The following NKTR variants were observed in gnomAD, a reference collection of about 807,000 sequenced individuals.
The protein encoded by NKTR is NK-tumor recognition protein.
Under a neutral mutation model 156.3 loss-of-function variants are expected in NKTR, and 67 were observed. The observed-to-expected ratio is 0.43, with a 90% confidence interval of 0.35 to 0.53. The LOEUF (loss-of-function observed/expected upper bound fraction) is 0.53, where lower values mean the gene tolerates loss of function less well. NKTR is among the 20% of genes least tolerant of loss of function. The pLI is 0.01. For missense variants in NKTR, 1,604 were observed against 1,730.9 expected (o/e 0.93, Z 1.30); for synonymous variants, 640 against 596.6 (o/e 1.07, Z -1.06).
At chr3:42,602,859 A>G (rs1284192161) in intron 2 of NKTR, 1 of 151,852 alleles carries the variant, frequency 6.6e-6, no homozygotes, top group African/African-American at 2.4e-5. Context: ...TCTACAAAAA[A>G]TAAAAAAATT....
At chr3:42,633,359 T>A in intron 9 of NKTR, 1 of 1,314,036 alleles carries the variant, frequency 7.6e-7, no homozygotes, top group Non-Finnish European at 9.7e-7. Flanking sequence ...ACTCTTAAAA[T>A]AAAAAAGTTA....
intron 6 of NKTR, chr3:42,630,052 C>T (rs1708748121): frequency 1.0e-6 from 1 of 985,382 alleles, no homozygotes. Context: ...CTCTGCCTGC[C>T]TAAAAATGTG....
Position 42,638,127 on chromosome 3 carries a change from C to CT in NKTR, c.2425dup (p.Ser809PhefsTer4). On this transcript the variant is annotated frameshift_variant, in exon 13 of 17. Coordinates refer to ENST00000232978, the MANE Select transcript of NKTR (RefSeq NM_005385.4). LOFTEE classifies it high-confidence loss of function. ...GAGAGCAGATCATCTTTAGATTATT[C>CT]TTCAGACAGTGAGCAGTCAAGTGTT... The CT allele has an allele frequency of 6.2e-7, 1 of 1,613,836 alleles. No homozygotes were observed. Among genetic ancestry groups the CT allele is most frequent in the Non-Finnish European group, 8.5e-7 (1 of 1,179,956 alleles).
At chr3:42,632,853 C>A in intron 9 of NKTR, 30 bp downstream of exon 9, 1 of 1,487,482 alleles carries the variant, frequency 6.7e-7, no homozygotes, top group South Asian at 1.5e-5. Flanking sequence ...GTACTCTTAC[C>A]TAAAAACAAA....
At chr3:42,619,835 ATACTT>A (rs1707742564) in intron 5 of NKTR, 127 bp downstream of exon 5, 14 of 1,489,006 alleles carry the variant, frequency 9.4e-6, no homozygotes, top group East Asian at 2.4e-5. Context: ...CTGCATGAAA[ATACTT>A]TATTTGCATG....
intron 5 of NKTR, chr3:42,619,974 A>G (rs752075694): frequency 1.6e-5 from 24 of 1,529,898 alleles, no homozygotes; most frequent in Middle Eastern, 3.3e-4. Flanking sequence ...GAAAACTCCT[A>G]TCTTCCTGCC....
At chr3:42,640,893 A>G (rs980203520) in intron 13 of NKTR, among the ~76,000 whole-genome samples, 2 of 152,100 alleles carry the variant, frequency 1.3e-5, no homozygotes, top group East Asian at 1.9e-4. Flanking sequence ...GCAGTTGCCT[A>G]TTGAGCGACT....
Position 42,638,309 on chromosome 3 carries a change from C to G in NKTR, c.2605C>G (p.Leu869Val). The G allele has an allele frequency of 6.2e-7, 1 of 1,610,522 alleles. No individual in the cohort carries two copies. Among genetic ancestry groups the G allele is most frequent in the Non-Finnish European group, 8.5e-7 (1 of 1,179,086 alleles). The change falls in exon 13 of 17, where the codon CTT becomes GTT. Residue 869 changes from leucine to valine, a missense_variant. Coordinates refer to ENST00000232978, the MANE Select transcript of NKTR (RefSeq NM_005385.4). ...RTLKENLSDH[L>V]RNGSKPKRKN... ...TTTGAAAGAGAATCTTTCTGATCAC[C>G]TTAGAAATGGCAGTAAGCCCAAAAG...
chr3:42,604,473 A>T (rs1056959331), intron 2 of NKTR, among the ~76,000 whole-genome samples: 2 of 151,586 alleles, frequency 1.3e-5, no homozygotes, highest in African/African-American at 4.8e-5. Flanking sequence ...ACTTGAATGT[A>T]CATTCTGCAC....
At chr3:42,629,426 T>A in intron 6 of NKTR, 1 of 947,318 alleles carries the variant, frequency 1.1e-6, no homozygotes, top group Non-Finnish European at 1.3e-6. Context: ...AATGTAAGTA[T>A]AAGCATTACA....
intron 2 of NKTR, 75 bp downstream of exon 2, chr3:42,601,139 C>A (rs1284234808): frequency 1.6e-6 from 2 of 1,278,532 alleles, no homozygotes; most frequent in East Asian, 3.0e-5. Context: ...CCCTCAGCAA[C>A]CCTCCCCCGG....
At chr3:42,628,278 G>A (rs888581935) in intron 6 of NKTR, 24 of 985,168 alleles carry the variant, frequency 2.4e-5, no homozygotes, top group South Asian at 9.4e-5. Context: ...ATAGTCATTC[G>A]TGTCTTCATT....
At position 42,600,717 on chromosome 3, in the gene NKTR, G is replaced by C. The variant is rs1577388695; in HGVS notation, c.-85G>C. On this transcript the variant is annotated 5_prime_UTR_variant, in exon 1 of 17. Coordinates refer to ENST00000232978, the MANE Select transcript of NKTR (RefSeq NM_005385.4). ...GTTCCGTTAGCGGCGTTGGGGTTTGGCTGCAGTGGCAGTGCTTTCTCTTCT... is the reference window on the plus strand; with the variant it reads ...GTTCCGTTAGCGGCGTTGGGGTTTGCCTGCAGTGGCAGTGCTTTCTCTTCT... 3.6e-6 allele frequency: 1 copy of C among 276,926 alleles called. No homozygotes were observed. The highest frequency in any genetic ancestry group is 6.4e-5 in the East Asian group (1 of 15,604). The allele number at this position is 276,926 out of a possible 1,614,324, so 17.2% of individuals were successfully genotyped here.
chr3:42,613,339 T>G (rs1456763987), intron 2 of NKTR, among the ~76,000 whole-genome samples: 1 of 152,184 alleles, frequency 6.6e-6, no homozygotes, highest in Non-Finnish European at 1.5e-5. Flanking sequence ...AAATAATATT[T>G]GAGTAAATGG....
Position 42,638,925 on chromosome 3 carries a change from C to T in NKTR, c.3221C>T (p.Thr1074Ile). The T allele has an allele frequency of 6.2e-7, 1 of 1,612,608 alleles. No individual in the cohort carries two copies. The highest frequency in any genetic ancestry group is 2.2e-5 in the East Asian group (1 of 44,866). Residue 1074 changes from threonine to isoleucine, a missense_variant, in exon 13 of 17, where the codon ACT (threonine) becomes ATT (isoleucine). By Grantham distance (89) the Thr-to-Ile change is moderately conservative (BLOSUM62 -1). Coordinates refer to ENST00000232978, the MANE Select transcript of NKTR (RefSeq NM_005385.4). ...CTTTCAGGTAAACATGATACAGTGA[C>T]TGTTTCATCAGATCTTGATCAGTTT... ...EDLSGKHDTV[T>I]VSSDLDQFTK...
rs1162222526 is a variant in NKTR, at chr3:42,646,470, C to G, written c.*495C>G. 1 of 154,356 alleles carries G rather than the reference C, an allele frequency of 6.5e-6. No homozygotes were observed. The highest frequency in any genetic ancestry group is 1.4e-5 in the Non-Finnish European group (1 of 69,180). 9.6% of individuals were successfully genotyped at this position (154,356 alleles called of 1,614,324 possible). ...ACCCAGAATTGATACTGTTGGTAAC[C>G]AGGAGTATAAGGCAGTGGCTCTGGG... is the stretch of plus-strand genomic sequence containing the variant. On this transcript the variant is annotated 3_prime_UTR_variant, in exon 17 of 17. Coordinates refer to ENST00000232978, the MANE Select transcript of NKTR (RefSeq NM_005385.4).
chr3:42,616,788 C>T (rs1387957909), intron 2 of NKTR, among the ~76,000 whole-genome samples: 2 of 152,152 alleles, frequency 1.3e-5, no homozygotes, highest in African/African-American at 4.8e-5. Flanking sequence ...GTCACCTAGG[C>T]TAGAGTGCAG....
At chr3:42,620,098 C>T in intron 5 of NKTR, 1 of 1,522,754 alleles carries the variant, frequency 6.6e-7, no homozygotes. Context: ...TTGCACCCTT[C>T]CTAATAAATT....
In NKTR at chr3:42,637,206, C is replaced by G. The variant is rs1173573810; in HGVS notation, c.1502C>G (p.Ser501Cys). The G allele has an allele frequency of 6.2e-7, 1 of 1,611,928 alleles. No individual in the cohort carries two copies. The highest frequency in any genetic ancestry group is 1.1e-5 in the South Asian group (1 of 90,560). Residue 501 changes from serine (S) to cysteine (C), a missense_variant, in exon 13 of 17, where the codon TCT becomes TGT. By Grantham distance (112) the Ser-to-Cys change is moderately radical (BLOSUM62 -1). Transcript: ENST00000232978. ...CATCACTCATCAAAGAGAGACTGGT[C>G]TAAATCTGATAAGGATGTCCAGAGC... ...SSHHSSKRDW[S>C]KSDKDVQSSL...
Sources: gnomAD v4.1 joint callset for allele counts (sites outside exome capture counted in the v4.1 genomes callset) on GRCh38, gnomAD v4.1.1 for gene constraint, MANE v1.5 for transcripts, NCBI Gene and HGNC (gene_info 2026-07-23, HGNC 2026-07-21) for gene names.